The following C5AR2 variants were observed in gnomAD, a reference collection of about 807,000 sequenced individuals.
C5AR2 encodes C5a anaphylatoxin chemotactic receptor 2.
For synonymous variants in C5AR2, 224 were observed against 216.5 expected (o/e 1.03, Z -0.30); for missense variants, 458 against 467.5 (o/e 0.98, Z 0.19).
At chr19:47,333,505 C>T (rs749178523) in intron 1 of C5AR2, among the ~76,000 whole-genome samples, 5 of 150,250 alleles carry the variant, frequency 3.3e-5, no homozygotes, top group Non-Finnish European at 5.9e-5. Context: ...TGTTCTTTTG[C>T]GGAAAGGAGG....
At position 47,344,570 on chromosome 19, in the gene C5AR2, T is replaced by G. The variant is rs149352811; in HGVS notation, c.*2757T>G. 215 of 152,190 alleles carry G rather than the reference T, an allele frequency of 1.4e-3. No individual in the cohort carries two copies. The highest frequency in any genetic ancestry group is 5.0e-3 in the African/African-American group (206 of 41,532). 9.4% of individuals were successfully genotyped at this position (152,190 alleles called of 1,614,324 possible). ...AGACAGCTGGAATTTGATCCCAGTT[T>G]TGACTCCAATGCTCTTGCTCTTCAT... On this transcript the variant is annotated 3_prime_UTR_variant, in exon 2 of 2. Transcript: ENST00000595464.
rs765679507 is a variant in C5AR2, at chr19:47,341,298, G to T, written c.499G>T (p.Val167Leu). ...CTGGACACTGGCCTTGCTGCTCACC[G>T]TGCCCTCCGCCATCTACCGCCGGCT... is the stretch of plus-strand genomic sequence containing the variant. Reference protein sequence around the residue: ...AAWTLALLLTVPSAIYRRLHQ... With the variant: ...AAWTLALLLTLPSAIYRRLHQ... The change falls in exon 2 of 2, where the codon GTG (valine) becomes TTG (leucine). Residue 167 changes from valine to leucine, a missense_variant. Coordinates refer to ENST00000595464, the MANE Select transcript of C5AR2 (RefSeq NM_001271749.2). This position sits in a 1 kb window ranked among gnomAD's most constrained non-coding sequence, Gnocchi z 4.6. 13 of 1,608,320 alleles carry T rather than the reference G, an allele frequency of 8.1e-6. No homozygotes were observed. In the South Asian group the frequency reaches 1.4e-4, roughly 18 times the overall value.
intron 1 of C5AR2, among the ~76,000 whole-genome samples, chr19:47,338,513 A>AT (rs1445232868): frequency 1.3e-5 from 2 of 149,104 alleles, no homozygotes; most frequent in East Asian, 1.9e-4. Flanking sequence ...AATAATAATA[A>AT]TTTTATTATT....
rs1196888744 is a variant in C5AR2 at position 47,343,810 on chromosome 19, C to G, written c.*1997C>G. On this transcript the variant is annotated 3_prime_UTR_variant, in exon 2 of 2. Transcript: ENST00000595464. Reference sequence around the variant, plus strand: ...CTTAGATCACACCGCTGCACTCCAGCCTGGATGTCAGAATGAGACTCCATC... The same window carrying G: ...CTTAGATCACACCGCTGCACTCCAGGCTGGATGTCAGAATGAGACTCCATC... 1 of 151,666 alleles carries G rather than the reference C, an allele frequency of 6.6e-6. No homozygotes were observed. Among genetic ancestry groups the G allele is most frequent in the African/African-American group, 2.4e-5 (1 of 41,244 alleles). The allele number at this position is 151,666 out of a possible 1,614,324, so 9.4% of individuals were successfully genotyped here. A position where few individuals can be genotyped will look rare whatever the true frequency, so the allele number is the denominator to read the frequency against.
chr19:47,340,656 C>G lies in C5AR2; in HGVS notation c.-15-129C>G, dbSNP rs184334766. ...GGCCTAGAATTCCAATATTCTAAAGCACTGGAGTCCTTATGACGCAATATT... is the reference window on the plus strand; with the variant it reads ...GGCCTAGAATTCCAATATTCTAAAGGACTGGAGTCCTTATGACGCAATATT... On this transcript the variant is annotated intron_variant, in intron 1 of 1. Transcript: ENST00000595464. 215 of 811,706 alleles carry G rather than the reference C, an allele frequency of 2.6e-4. No homozygotes were observed. In the African/African-American group the frequency reaches 3.3e-3, roughly 12 times the overall value. The allele number at this position is 811,706 out of a possible 1,614,324, so 50.3% of individuals were successfully genotyped here. A position where few individuals can be genotyped will look rare whatever the true frequency, so the allele number is the denominator to read the frequency against.
At chr19:47,340,041 A>G (rs566054593) in intron 1 of C5AR2, among the ~76,000 whole-genome samples, 179 of 151,038 alleles carry the variant, frequency 1.2e-3, no homozygotes, top group African/African-American at 3.5e-3. Flanking sequence ...AGCTCACTCA[A>G]TCTCCTGGGC....
rs1969112122 is a variant in C5AR2, at chr19:47,345,828, T to C, written c.*4015T>C. 6.6e-6 allele frequency: 1 copy of C among 152,114 alleles called. No individual in the cohort carries two copies. Among genetic ancestry groups the C allele is most frequent in the Admixed American group, 6.6e-5 (1 of 15,266 alleles). The allele number at this position is 152,114 out of a possible 1,614,324, so 9.4% of individuals were successfully genotyped here. A position where few individuals can be genotyped will look rare whatever the true frequency, so the allele number is the denominator to read the frequency against. On this transcript the variant is annotated 3_prime_UTR_variant, in exon 2 of 2. Coordinates refer to ENST00000595464, the MANE Select transcript of C5AR2 (RefSeq NM_001271749.2). ...CTGGAGATGGGGCTCGGCTCGAATA[T>C]TGGACCAAATTGAGGACCAGCTAAA...
At chr19:47,336,388 C>T (rs1438950310) in intron 1 of C5AR2, among the ~76,000 whole-genome samples, 1 of 151,816 alleles carries the variant, frequency 6.6e-6, no homozygotes, top group Non-Finnish European at 1.5e-5. Context: ...CTGTGCCCGG[C>T]TAGGGGGGGT....
chr19:47,338,085 A>T (rs915217859), intron 1 of C5AR2, among the ~76,000 whole-genome samples: 10 of 151,754 alleles, frequency 6.6e-5, no homozygotes, highest in Admixed American at 3.3e-4. Flanking sequence ...AAAAAAAAAA[A>T]TAAATAAAAT....
At chr19:47,333,583 C>A (rs1414874712) in intron 1 of C5AR2, among the ~76,000 whole-genome samples, 2 of 145,668 alleles carry the variant, frequency 1.4e-5, no homozygotes, top group African/African-American at 2.6e-5. Context: ...TGTTCAGACT[C>A]CTTTTTTTTT....
intron 1 of C5AR2, 96 bp downstream of exon 1, chr19:47,332,445 A>T (rs971986216): frequency 2.0e-5 from 3 of 152,260 alleles, no homozygotes; most frequent in African/African-American, 7.2e-5. Context: ...GGGAAGCAGA[A>T]CTAGAGTTTG....
chr19:47,336,092 G>GTTTA (rs1234823172), intron 1 of C5AR2, among the ~76,000 whole-genome samples: 13 of 152,046 alleles, frequency 8.6e-5, no homozygotes, highest in African/African-American at 3.1e-4. Context: ...GTTGTTGTTT[G>GTTTA]TTTGTTTGTT....
chr19:47,339,877 C>A (rs2059375337), intron 1 of C5AR2, among the ~76,000 whole-genome samples: 1 of 152,168 alleles, frequency 6.6e-6, no homozygotes, highest in Admixed American at 6.6e-5. Context: ...TAGCCAGCTT[C>A]CCTGTGTGAT....
rs533579229 is a variant in C5AR2, at chr19:47,338,574, G to C, written c.-15-2211G>C. Among the ~76,000 whole-genome samples, 219 of 149,370 alleles carry C rather than the reference G, an allele frequency of 1.5e-3. 2 individuals carry two copies. The highest frequency in any genetic ancestry group is 2.8e-3 in the Non-Finnish European group (189 of 67,514). On this transcript the variant is annotated intron_variant, in intron 1 of 1. Coordinates refer to ENST00000595464, the MANE Select transcript of C5AR2 (RefSeq NM_001271749.2). ...ATCATGCCTGTAATCCCAGCAGTTT[G>C]AGAGGCTGAGACAAGGCAGGTTGCT... is the stretch of plus-strand genomic sequence containing the variant.
intron 1 of C5AR2, among the ~76,000 whole-genome samples, chr19:47,336,822 C>A (rs902234329): frequency 2.6e-5 from 4 of 152,034 alleles, no homozygotes; most frequent in African/African-American, 9.7e-5. Flanking sequence ...CTAAATTCTG[C>A]ACACCTTTTA....
At position 47,340,876 on chromosome 19, in the gene C5AR2, G is replaced by A. The variant is rs1169983168; in HGVS notation, c.77G>A (p.Gly26Asp). ...GACCGCCCTGTGGACTGCCTGGATG[G>A]CGCCTGCCTGGCCATCGACCCGCTG... is the stretch of plus-strand genomic sequence containing the variant. ...LSDRPVDCLD[G>D]ACLAIDPLRV... Residue 26 changes from glycine (G) to aspartate (D), a missense_variant, in exon 2 of 2, where the codon GGC becomes GAC. Physicochemically the swap from Gly to Asp is moderately conservative, Grantham distance 94 (BLOSUM62 -1). Coordinates refer to ENST00000595464, the MANE Select transcript of C5AR2 (RefSeq NM_001271749.2). 6.2e-7 allele frequency: 1 copy of A among 1,613,534 alleles called. No individual in the cohort carries two copies.
rs2059346786 is a variant in C5AR2, at chr19:47,333,496, GTTC to G, written c.-16+1150_-16+1152del. Reference sequence around the variant, plus strand: ...CACATGTATTCTGGTGAGCATATGTGTTCTTTTGCGGAAAGGAGGCTGATTGCT... The same window carrying G: ...CACATGTATTCTGGTGAGCATATGTGTTTTGCGGAAAGGAGGCTGATTGCT... On this transcript the variant is annotated intron_variant, in intron 1 of 1. Transcript: ENST00000595464. 3.3e-5 allele frequency among the ~76,000 whole-genome samples: 5 copies of G among 151,714 alleles called. No homozygotes were observed. The South Asian group carries it at 1.0e-3, about 31-fold the overall frequency.
chr19:47,341,374 G>A lies in C5AR2; in HGVS notation c.575G>A (p.Gly192Asp), dbSNP rs141325628. 6.2e-7 allele frequency: 1 copy of A among 1,612,406 alleles called. No homozygotes were observed. The highest frequency in any genetic ancestry group is 1.3e-5 in the African/African-American group (1 of 75,032). ...CTGCAGTGTGTGGTGGACTACGGCG[G>A]CTCCTCCAGCACCGAGAATGCGGTG... Reference protein sequence around the residue: ...ARLQCVVDYGGSSSTENAVTA... With the variant: ...ARLQCVVDYGDSSSTENAVTA... The change falls in exon 2 of 2, where the codon GGC (glycine) becomes GAC (aspartate). Residue 192 changes from glycine to aspartate, a missense_variant. Coordinates refer to ENST00000595464, the MANE Select transcript of C5AR2 (RefSeq NM_001271749.2). The surrounding 1 kb of genome is among the most constrained non-coding windows in gnomAD (Gnocchi z 4.6).
At chr19:47,340,631 G>A (rs546513478) in intron 1 of C5AR2, among the ~76,000 whole-genome samples, 154 bp from the exon 2 acceptor site, 98 of 152,122 alleles carry the variant, frequency 6.4e-4, no homozygotes, top group African/African-American at 2.3e-3. Context: ...CACCACACCC[G>A]GCCTAGAATT....
Sources: allele counts gnomAD v4.1 joint callset (sites outside exome capture counted in the v4.1 genomes callset), GRCh38; gene constraint gnomAD v4.1.1; non-coding constraint Gnocchi (gnomAD v3.1); transcripts MANE v1.5; gene names NCBI Gene and HGNC (gene_info 2026-07-23, HGNC 2026-07-21).